DECR2: variants seen among roughly 807,000 people sequenced by gnomAD.
The protein encoded by DECR2 is peroxisomal 2,4-dienoyl-CoA reductase [(3E)-enoyl-CoA-producing].
In DECR2, 34 loss-of-function variants were observed where a neutral mutation model predicts 29.2. The ratio of observed to expected loss-of-function variants is 1.16; its 90% confidence interval spans 0.89 to 1.55. The LOEUF is 1.55. DECR2 is among the 40% of genes most tolerant of loss of function. The pLI, the probability that DECR2 is intolerant of heterozygous loss-of-function variation, is 0.00. For synonymous variants in DECR2, 224 were observed against 182.7 expected, an observed-to-expected ratio of 1.23 and a Z score of -1.82; for missense variants, 485 against 425.3, an observed-to-expected ratio of 1.14 and a Z score of -1.23.
In DECR2 at chr16:411,428, C is replaced by T. The variant is rs777658698; in HGVS notation, c.729C>T (p.Thr243=). Residue 243 remains threonine, a synonymous_variant, in exon 8 of 9, where the codon ACC becomes ACT. Coordinates refer to ENST00000219481, the MANE Select transcript of DECR2 (RefSeq NM_020664.4). ...CGCTGCAGAGGCTGGGGAACAAGAC[C>T]GAGATCGCCCACAGCGTGCTCTACC... ...ASPLQRLGNK[T]EIAHSVLYLA... 1.8e-5 allele frequency: 29 copies of T among 1,613,312 alleles called. No homozygotes were observed. The South Asian group carries it at 2.1e-4, about 12-fold the overall frequency.
In DECR2 at chr16:410,412, C is replaced by T. The variant is rs532650826; in HGVS notation, c.462+45C>T. 5.0e-6 allele frequency: 8 copies of T among 1,587,432 alleles called. No homozygotes were observed. The highest frequency in any genetic ancestry group is 2.8e-5 in the African/African-American group (2 of 71,102). On this transcript the variant is annotated intron_variant, in intron 5 of 8. Transcript: ENST00000219481. The surrounding 1 kb of genome is among the most constrained non-coding windows in gnomAD (Gnocchi z 4.1). ...TGTGAGAAGTTCTTCCGGGTGGGTG[C>T]CTCGTGCGCTCTGTGAGAAGTTCTT... is the stretch of plus-strand genomic sequence containing the variant.
intron 1 of DECR2, among the ~76,000 whole-genome samples, chr16:402,694 T>G (rs556804410): frequency 6.6e-6 from 1 of 152,178 alleles, no homozygotes; most frequent in East Asian, 1.9e-4. Flanking sequence ...ATTAAAATTT[T>G]GATCTTTTGC....
In DECR2 at chr16:410,785, G is replaced by C; in HGVS notation, c.556+1G>C. On this transcript the variant is annotated splice_donor_variant, in intron 6 of 8. Coordinates refer to ENST00000219481, the MANE Select transcript of DECR2 (RefSeq NM_020664.4). LOFTEE classifies it high-confidence loss of function. This position sits in a 1 kb window ranked among gnomAD's most constrained non-coding sequence, Gnocchi z 4.1. ...GCAGGCTCCGCCAAGGCCGCTGTGG[G>C]TATGACCACCCCCCCCCGCCCAGGT... 2 of 1,590,032 alleles carry C rather than the reference G, an allele frequency of 1.3e-6. No individual in the cohort carries two copies. Among genetic ancestry groups the C allele is most frequent in the Non-Finnish European group, 1.7e-6 (2 of 1,169,792 alleles).
At chr16:406,043 C>G (rs1447419261) in intron 2 of DECR2, among the ~76,000 whole-genome samples, 1 of 152,228 alleles carries the variant, frequency 6.6e-6, no homozygotes, top group East Asian at 1.9e-4. Context: ...GTGGGCCCAG[C>G]AGGCCCCAGG....
chr16:411,308 G>T, intron 7 of DECR2, 53 bp from the exon 8 acceptor site: 1 of 1,527,206 alleles, frequency 6.5e-7, no homozygotes. Context: ...GGGGAGAGGG[G>T]AGGGTGCTGG....
chr16:410,805 C>G lies in DECR2; in HGVS notation c.556+21C>G. 6.4e-7 allele frequency: 1 copy of G among 1,561,236 alleles called. No homozygotes were observed. Among genetic ancestry groups the G allele is most frequent in the Non-Finnish European group, 8.7e-7 (1 of 1,153,400 alleles). On this transcript the variant is annotated intron_variant, in intron 6 of 8. Coordinates refer to ENST00000219481, the MANE Select transcript of DECR2 (RefSeq NM_020664.4). The surrounding 1 kb of genome is among the most constrained non-coding windows in gnomAD (Gnocchi z 4.1). ...TGTGGGTATGACCACCCCCCCCCGC[C>G]CAGGTTTGCCCACGTGGGTCCCCAA... is the stretch of plus-strand genomic sequence containing the variant.
intron 3 of DECR2, chr16:407,101 C>T: frequency 1.7e-6 from 2 of 1,147,382 alleles, no homozygotes; most frequent in Middle Eastern, 3.7e-4. Context: ...GTCCCACCTA[C>T]TGGAGCCCTC....
Position 410,818 on chromosome 16 carries a change from C to T in DECR2, c.556+34C>T, listed in dbSNP as rs555199808. On this transcript the variant is annotated intron_variant, in intron 6 of 8. Coordinates refer to ENST00000219481, the MANE Select transcript of DECR2 (RefSeq NM_020664.4). The surrounding 1 kb of genome is among the most constrained non-coding windows in gnomAD (Gnocchi z 4.1). ...ACCCCCCCCCGCCCAGGTTTGCCCA[C>T]GTGGGTCCCCAATGGGCCGTCTGCT... The T allele has an allele frequency of 2.1e-5, 33 of 1,549,404 alleles. No homozygotes were observed. The Admixed American group carries it at 5.2e-4, about 25-fold the overall frequency.
chr16:408,666 CCT>C (rs2054773381), intron 4 of DECR2, among the ~76,000 whole-genome samples: 1 of 151,894 alleles, frequency 6.6e-6, no homozygotes, highest in South Asian at 2.1e-4. Context: ...TGCCATCACG[CCT>C]GGCTAATTTT....
chr16:405,554 C>A (rs1011674110), intron 2 of DECR2: 7 of 1,304,674 alleles, frequency 5.4e-6, no homozygotes, highest in Non-Finnish European at 7.1e-6. Flanking sequence ...TCCAGTGGGA[C>A]CTGCCTAGCA....
At chr16:411,741 A>G in intron 8 of DECR2, 149 bp from the exon 9 acceptor site, 2 of 693,856 alleles carry the variant, frequency 2.9e-6, no homozygotes, top group Non-Finnish European at 2.3e-6. Context: ...AGTGGGGCTG[A>G]GCAGGAGGCG....
chr16:410,421 C>T lies in DECR2; in HGVS notation c.462+54C>T. ...TTCTTCCGGGTGGGTGCCTCGTGCG[C>T]TCTGTGAGAAGTTCTTCCGGGTGGG... On this transcript the variant is annotated intron_variant, in intron 5 of 8. Coordinates refer to ENST00000219481, the MANE Select transcript of DECR2 (RefSeq NM_020664.4). The surrounding 1 kb of genome is among the most constrained non-coding windows in gnomAD (Gnocchi z 4.1). 1.9e-6 allele frequency: 3 copies of T among 1,587,216 alleles called. No individual in the cohort carries two copies. Among genetic ancestry groups the T allele is most frequent in the Non-Finnish European group, 2.6e-6 (3 of 1,163,134 alleles).
At chr16:403,028 C>G (rs545881753) in intron 1 of DECR2, 1 of 983,952 alleles carries the variant, frequency 1.0e-6, no homozygotes, top group East Asian at 1.1e-4. Context: ...CAGGTATTGA[C>G]AATTCTCTCT....
At chr16:406,485 G>C in intron 3 of DECR2, 88 bp downstream of exon 3, 1 of 1,396,914 alleles carries the variant, frequency 7.2e-7, no homozygotes, top group African/African-American at 1.4e-5. Context: ...AGAGGCTATG[G>C]GGATGTTGGC....
intron 1 of DECR2, among the ~76,000 whole-genome samples, chr16:402,285 C>T (rs1474789650): frequency 6.6e-6 from 1 of 151,948 alleles, no homozygotes; most frequent in African/African-American, 2.4e-5. Flanking sequence ...AGCGATTCTC[C>T]TGCCTCAGCC....
intron 3 of DECR2, 106 bp downstream of exon 3, chr16:406,503 CT>C (rs869105802): frequency 1.7e-4 from 198 of 1,183,284 alleles, no homozygotes; most frequent in South Asian, 1.9e-4. Context: ...GGCACCAAAA[CT>C]TTTTTTTTCT....
In DECR2 at chr16:411,460, G is replaced by C. The variant is rs1345234231; in HGVS notation, c.761G>C (p.Ser254Thr). ...EIAHSVLYLA[S>T]PLASYVTGAV... is the part of the protein sequence containing the mutation. Reference sequence around the variant, plus strand: ...GCCCACAGCGTGCTCTACCTGGCCAGCCCTCTGGCTTCCTACGTGACGGGG... The same window carrying C: ...GCCCACAGCGTGCTCTACCTGGCCACCCCTCTGGCTTCCTACGTGACGGGG... The change falls in exon 8 of 9, where the codon AGC becomes ACC. Residue 254 changes from serine to threonine, a missense_variant. Ser to Thr is a moderately conservative substitution (Grantham distance 58, BLOSUM62 1). Coordinates refer to ENST00000219481, the MANE Select transcript of DECR2 (RefSeq NM_020664.4). 1 of 1,613,864 alleles carries C rather than the reference G, an allele frequency of 6.2e-7. No homozygotes were observed. The highest frequency in any genetic ancestry group is 1.7e-5 in the Admixed American group (1 of 60,030).
chr16:408,330 T>TGGCCCTCTGTCTCC (rs2054768272), intron 4 of DECR2, among the ~76,000 whole-genome samples: 2 of 149,550 alleles, frequency 1.3e-5, no homozygotes, highest in Admixed American at 6.7e-5. Context: ...CCTCTGTCTC[T>TGGCCCTCTGTCTCC]GGCCCTCTGT....
In DECR2 at chr16:410,351, A is replaced by G. The variant is rs752994223; in HGVS notation, c.446A>G (p.Tyr149Cys). 2.1e-5 allele frequency: 34 copies of G among 1,608,060 alleles called. No individual in the cohort carries two copies. Among genetic ancestry groups the G allele is most frequent in the African/African-American group, 2.7e-5 (2 of 74,190 alleles). ...SGTFNVSRVLYEKFFRDHGGV... is the reference protein window; with the variant it reads ...SGTFNVSRVLCEKFFRDHGGV... ...ACCTTCAATGTGTCTCGTGTGCTCTATGAGAAGTTCTTCCGGGTGGGTGCC... is the reference window on the plus strand; with the variant it reads ...ACCTTCAATGTGTCTCGTGTGCTCTGTGAGAAGTTCTTCCGGGTGGGTGCC... Residue 149 changes from tyrosine (Y) to cysteine (C), a missense_variant, in exon 5 of 9, where the codon TAT becomes TGT. Transcript: ENST00000219481. The surrounding 1 kb of genome is among the most constrained non-coding windows in gnomAD (Gnocchi z 4.1).
Sources: allele counts gnomAD v4.1 joint callset (sites outside exome capture counted in the v4.1 genomes callset), GRCh38; gene constraint gnomAD v4.1.1; non-coding constraint Gnocchi (gnomAD v3.1); transcripts MANE v1.5; gene names NCBI Gene and HGNC (gene_info 2026-07-23, HGNC 2026-07-21).